The following ASIC2 variants were observed in gnomAD, a reference collection of about 807,000 sequenced individuals.
ASIC2 encodes acid sensing ion channel subunit 2.
In ASIC2, 25 loss-of-function variants were observed where a neutral mutation model predicts 57.3. The ratio of observed to expected loss-of-function variants is 0.44; its 90% CI spans 0.32 to 0.61. ASIC2 has a LOEUF of 0.61. Ranked by LOEUF, ASIC2 falls within the 20% of genes least tolerant of loss-of-function variation. The probability of loss-of-function intolerance (pLI) is 0.06; values close to 1 mark genes in which losing one functional copy is unlikely to be tolerated. For synonymous variants in ASIC2, 319 were observed against 307.5 expected (o/e 1.04, Z -0.39); for missense variants, 641 against 738.1 (o/e 0.87, Z 1.52).
intron 1 of ASIC2, among the ~76,000 whole-genome samples, chr17:33,579,302 A>T (rs894046280): frequency 9.2e-5 from 14 of 151,518 alleles, no homozygotes; most frequent in Admixed American, 9.2e-4. Flanking sequence ...AAAAAAAAAA[A>T]AATGCAGGTG....
intron 1 of ASIC2, among the ~76,000 whole-genome samples, chr17:33,787,462 G>A (rs925063303): frequency 3.3e-5 from 5 of 152,220 alleles, no homozygotes; most frequent in African/African-American, 1.2e-4. Context: ...ATAAATTAGA[G>A]CGTGAAGCCA....
intron 1 of ASIC2, among the ~76,000 whole-genome samples, chr17:33,697,128 C>T (rs1178826839): frequency 1.3e-5 from 2 of 152,216 alleles, no homozygotes; most frequent in African/African-American, 4.8e-5. Flanking sequence ...ACCCCCTTTG[C>T]CTTCCACCAT....
chr17:33,366,658 G>C (rs1171364187), intron 1 of ASIC2, among the ~76,000 whole-genome samples: 1 of 152,182 alleles, frequency 6.6e-6, no homozygotes, highest in African/African-American at 2.4e-5. Context: ...TTCCCACTAA[G>C]AACATGAGTT....
chr17:34,112,457 CAAAAAAAA>C (rs35815808), intron 1 of ASIC2, among the ~76,000 whole-genome samples: 1 of 79,994 alleles, frequency 1.3e-5, no homozygotes, highest in Non-Finnish European at 2.7e-5. Flanking sequence ...CAAGACAGGC[CAAAAAAAA>C]AAAAAAAAGG....
chr17:33,870,222 C>CTTTTTT (rs1914358462), intron 1 of ASIC2, among the ~76,000 whole-genome samples: 1 of 64,086 alleles, frequency 1.6e-5, no homozygotes, highest in African/African-American at 6.6e-5. Context: ...ATGAGAAATT[C>CTTTTTT]TGTTTTTTTT....
rs1598232550 is a variant in ASIC2, at chr17:33,013,628, A to G, written c.*337T>C. On this transcript the variant is annotated 3_prime_UTR_variant, in exon 10 of 10. Coordinates refer to ENST00000225823, the MANE Select transcript of ASIC2 (RefSeq NM_183377.2). ...GTGGACACTGGAAACCGCGTGGAGG[A>G]GTGTCATGTACAAGACAGACGTGGA... 1 of 300,426 alleles carries G rather than the reference A, an allele frequency of 3.3e-6. No individual in the cohort carries two copies. Among genetic ancestry groups the G allele is most frequent in the East Asian group, 6.4e-5 (1 of 15,596 alleles). 18.6% of individuals were successfully genotyped at this position (300,426 alleles called of 1,614,324 possible). A position where few individuals can be genotyped will look rare whatever the true frequency, so the allele number is the denominator to read the frequency against.
At chr17:33,124,394 TTCTAGA>T (rs1378293472) in intron 1 of ASIC2, among the ~76,000 whole-genome samples, 8 of 152,138 alleles carry the variant, frequency 5.3e-5, no homozygotes, top group African/African-American at 1.9e-4. Flanking sequence ...CCACTCTCCT[TTCTAGA>T]TCTGTAACAG....
upstream of ASIC2, among the ~76,000 whole-genome samples, chr17:33,298,279 C>T (rs1017781083): frequency 2.0e-5 from 3 of 152,056 alleles, no homozygotes; most frequent in African/African-American, 4.8e-5. Context: ...CCCCACCCCA[C>T]GACAAGCCCT....
At chr17:34,097,865 A>G (rs1910603117) in intron 1 of ASIC2, among the ~76,000 whole-genome samples, 1 of 152,128 alleles carries the variant, frequency 6.6e-6, no homozygotes, top group Non-Finnish European at 1.5e-5. Flanking sequence ...CAGGAATCTG[A>G]GGCCCCAGAA....
At chr17:33,900,497 A>G (rs1485347968) in intron 1 of ASIC2, among the ~76,000 whole-genome samples, 2 of 152,192 alleles carry the variant, frequency 1.3e-5, no homozygotes, top group African/African-American at 4.8e-5. Context: ...ATTATTTATT[A>G]CTGCCAGGGT....
chr17:33,769,198 C>T (rs551822210), intron 1 of ASIC2, among the ~76,000 whole-genome samples: 1 of 152,334 alleles, frequency 6.6e-6, no homozygotes, highest in East Asian at 1.9e-4. Flanking sequence ...ACACTGCCAT[C>T]CATTGGGGTG....
At chr17:33,776,172 C>T (rs1911271183) in intron 1 of ASIC2, among the ~76,000 whole-genome samples, 1 of 151,056 alleles carries the variant, frequency 6.6e-6, no homozygotes, top group Non-Finnish European at 1.5e-5. Context: ...ATGTCTGTGT[C>T]CCTGCCTAAA....
chr17:33,414,720 A>G (rs767500785), intron 1 of ASIC2, among the ~76,000 whole-genome samples: 10 of 152,178 alleles, frequency 6.6e-5, no homozygotes, highest in Non-Finnish European at 1.5e-4. Context: ...AGAATGCTGA[A>G]CACGTTTCAT....
chr17:33,364,597 C>T (rs1472106976), intron 1 of ASIC2, among the ~76,000 whole-genome samples: 1 of 152,038 alleles, frequency 6.6e-6, no homozygotes, highest in East Asian at 1.9e-4. Flanking sequence ...CCCCTTCTCT[C>T]TCTCCTTCTG....
At chr17:33,531,136 C>A (rs76448060) in intron 1 of ASIC2, among the ~76,000 whole-genome samples, 2,588 of 152,058 alleles carry the variant, frequency 0.017, 29 homozygotes, top group Non-Finnish European at 0.026. Flanking sequence ...CTCTGTGATT[C>A]AGGCCTCGAT....
chr17:34,044,110 ACACACACACACACACGCACG>A (rs1394738499), intron 1 of ASIC2, among the ~76,000 whole-genome samples: 5 of 92,990 alleles, frequency 5.4e-5, no homozygotes, highest in South Asian at 7.0e-4. Context: ...TCACACACAC[ACACACACACACACACGCACG>A]CACACACACA....
chr17:33,285,460 A>G lies in ASIC2; in HGVS notation c.708+5948T>C, dbSNP rs1235529681. On this transcript the variant is annotated intron_variant, in intron 1 of 9. Transcript: ENST00000225823. ...TGGCTGAAAAACTCACGCCATCTGC[A>G]CTATTTGAGCTCTCCATTCCCCTGA... Among the ~76,000 whole-genome samples, 3 of 152,218 alleles carry G rather than the reference A, an allele frequency of 2.0e-5. No individual in the cohort carries two copies. In the East Asian group the frequency reaches 5.8e-4, roughly 29 times the overall value.
At chr17:33,822,843 T>C (rs1172303063) in intron 1 of ASIC2, among the ~76,000 whole-genome samples, 1 of 152,248 alleles carries the variant, frequency 6.6e-6, no homozygotes, top group Non-Finnish European at 1.5e-5. Flanking sequence ...TGTCGTTATC[T>C]ACAATTTTAG....
chr17:34,156,210 T>G lies in ASIC2; in HGVS notation c.323A>C (p.Tyr108Ser), dbSNP rs760882995. Residue 108 changes from tyrosine to serine, a missense_variant, in exon 1 of 10, where the codon TAC (tyrosine) becomes TCC (serine). Coordinates refer to the ASIC2 transcript ENST00000359872. The surrounding 1 kb of genome is among the most constrained non-coding windows in gnomAD (Gnocchi z 4.4). ...CAGGGCCAGCAGCTCCCCAGCATGG[T>G]ACAGGTCATTGGTGGTGAGCCTGGA... 6.2e-7 allele frequency: 1 copy of G among 1,614,044 alleles called. No individual in the cohort carries two copies. The highest frequency in any genetic ancestry group is 1.1e-5 in the South Asian group (1 of 91,074).
Sources: allele counts gnomAD v4.1 joint callset (sites outside exome capture counted in the v4.1 genomes callset), GRCh38; gene constraint gnomAD v4.1.1; non-coding constraint Gnocchi (gnomAD v3.1); transcripts MANE v1.5; gene names NCBI Gene and HGNC (gene_info 2026-07-23, HGNC 2026-07-21).